SFSWAP: variants seen among roughly 807,000 people sequenced by gnomAD.
SFSWAP encodes splicing factor SWAP.
SFSWAP carries 17 observed loss-of-function variants against 100.7 expected under a neutral mutation model. The ratio of observed to expected loss-of-function variants is 0.17; its 90% CI spans 0.12 to 0.25. The LOEUF (loss-of-function observed/expected upper bound fraction) is 0.25, where lower values mean the gene tolerates loss of function less well. SFSWAP is among the 10% of genes least tolerant of loss of function. SFSWAP has a pLI of 1.00. For synonymous variants in SFSWAP, 504 were observed against 510.1 expected, an observed-to-expected ratio of 0.99 and a Z score of 0.16; for missense variants, 1,005 against 1,262.6, an observed-to-expected ratio of 0.80 and a Z score of 3.09.
intron 15 of SFSWAP, chr12:131,796,041 GC>G (rs1566064865): frequency 1.2e-4 from 1 of 8,220 alleles, no homozygotes; most frequent in Non-Finnish European, 2.9e-4. Context: ...GGGGAGGGGA[GC>G]GGAGAGGGGG....
intron 13 of SFSWAP, among the ~76,000 whole-genome samples, chr12:131,776,670 T>C (rs1275174937): frequency 3.9e-5 from 6 of 152,246 alleles, no homozygotes; most frequent in Non-Finnish European, 8.8e-5. Flanking sequence ...CGGGCTGGGC[T>C]GGAGCTCTCC....
intron 7 of SFSWAP, among the ~76,000 whole-genome samples, chr12:131,731,785 G>A (rs1385773375): frequency 1.3e-5 from 2 of 151,560 alleles, no homozygotes; most frequent in Non-Finnish European, 2.9e-5. Context: ...GGAGAGAGCT[G>A]TGCAAAAAAT....
chr12:131,738,856 A>C (rs907861510), intron 7 of SFSWAP, among the ~76,000 whole-genome samples: 4 of 105,864 alleles, frequency 3.8e-5, no homozygotes, highest in Admixed American at 1.0e-4. Context: ...AATTATTTCT[A>C]CTTTTCCAGT....
chr12:131,765,321 A>G (rs1243575831), intron 12 of SFSWAP, among the ~76,000 whole-genome samples: 2 of 152,232 alleles, frequency 1.3e-5, no homozygotes, highest in East Asian at 1.9e-4. Context: ...CTTTTCCTGT[A>G]TACACACATT....
intron 15 of SFSWAP, among the ~76,000 whole-genome samples, chr12:131,790,116 C>G (rs1008627041): frequency 6.6e-5 from 10 of 152,256 alleles, no homozygotes; most frequent in East Asian, 5.8e-4. Context: ...AAGACCCTGC[C>G]CCTTTGTTTA....
At chr12:131,763,497 G>A (rs996656294) in intron 11 of SFSWAP, among the ~76,000 whole-genome samples, 3 of 152,140 alleles carry the variant, frequency 2.0e-5, no homozygotes, top group African/African-American at 7.2e-5. Context: ...GTGGTGGGGC[G>A]GGAAAGATGA....
intron 4 of SFSWAP, among the ~76,000 whole-genome samples, chr12:131,723,082 C>T (rs1270794538): frequency 6.6e-6 from 1 of 152,114 alleles, no homozygotes; most frequent in African/African-American, 2.4e-5. Context: ...GCCAAGGGAC[C>T]GACTCCAGAG....
At chr12:131,775,039 C>T (rs554982341) in intron 13 of SFSWAP, among the ~76,000 whole-genome samples, 21 of 152,286 alleles carry the variant, frequency 1.4e-4, no homozygotes, top group African/African-American at 5.1e-4. Context: ...CCTCAGATGG[C>T]GTCTCGCGCC....
chr12:131,720,516 G>T (rs190881329), intron 4 of SFSWAP, among the ~76,000 whole-genome samples: 16 of 152,260 alleles, frequency 1.1e-4, no homozygotes, highest in Admixed American at 2.0e-4. Flanking sequence ...TTTTTTCTTG[G>T]ACATTTTCGT....
chr12:131,792,824 C>T (rs1350002883), intron 15 of SFSWAP, among the ~76,000 whole-genome samples: 4 of 152,248 alleles, frequency 2.6e-5, no homozygotes, highest in South Asian at 2.1e-4. Context: ...AGAGCTCCCA[C>T]GGCTTTTCTA....
chr12:131,792,242 G>A (rs1466114054), intron 15 of SFSWAP, among the ~76,000 whole-genome samples: 1 of 151,242 alleles, frequency 6.6e-6, no homozygotes, highest in African/African-American at 2.4e-5. Flanking sequence ...GCGCCCGTGT[G>A]TGTTCACAGA....
chr12:131,793,930 C>T (rs1312877911), intron 15 of SFSWAP, among the ~76,000 whole-genome samples: 2 of 151,990 alleles, frequency 1.3e-5, no homozygotes, highest in East Asian at 3.9e-4. Flanking sequence ...GGGCACGGGC[C>T]CAGCGGCTGC....
At chr12:131,796,843 C>G (rs1885713327) in intron 15 of SFSWAP, 2 of 222,880 alleles carry the variant, frequency 9.0e-6, no homozygotes, top group Admixed American at 5.7e-5. Context: ...TTTCCTGTAT[C>G]TTTTTGGAAA....
At position 131,756,522 on chromosome 12, in the gene SFSWAP, C is replaced by T. The variant is rs1566032127; in HGVS notation, c.1598C>T (p.Pro533Leu). The T allele has an allele frequency of 6.2e-7, 1 of 1,614,076 alleles. No homozygotes were observed. Among genetic ancestry groups the T allele is most frequent in the Non-Finnish European group, 8.5e-7 (1 of 1,180,006 alleles). ...EAPTDSAPEKPSDAGEDGAPE... is the reference protein window; with the variant it reads ...EAPTDSAPEKLSDAGEDGAPE... ...CCCACAGACTCTGCTCCCGAGAAGC[C>T]AAGTGATGCTGGGGAGGATGGCGCG... is the stretch of plus-strand genomic sequence containing the variant. Residue 533 changes from proline (P) to leucine (L), a missense_variant, in exon 11 of 18, where the codon CCA becomes CTA. By Grantham distance (98) the Pro-to-Leu change is moderately conservative. Transcript: ENST00000261674.
At chr12:131,784,803 C>G (rs887687088) in intron 14 of SFSWAP, 23 of 294,000 alleles carry the variant, frequency 7.8e-5, no homozygotes, top group Non-Finnish European at 1.2e-5. Context: ...CCCCAGATAA[C>G]TTGAAAATCT....
At position 131,725,329 on chromosome 12, in the gene SFSWAP, C is replaced by T. The variant is rs1878851889; in HGVS notation, c.607-76C>T. The T allele has an allele frequency of 8.2e-6, 10 of 1,222,784 alleles. No homozygotes were observed. The East Asian group carries it at 2.4e-4, about 29-fold the overall frequency. The allele number at this position is 1,222,784 out of a possible 1,614,324, so 75.7% of individuals were successfully genotyped here. A position where few individuals can be genotyped will look rare whatever the true frequency, so the allele number is the denominator to read the frequency against. On this transcript the variant is annotated intron_variant, in intron 4 of 17. Coordinates refer to ENST00000261674, the MANE Select transcript of SFSWAP (RefSeq NM_004592.4). This position sits in a 1 kb window ranked among gnomAD's most constrained non-coding sequence, Gnocchi z 4.3. ...ATTGACAGTAAAACCAGAGTCATTT[C>T]TATGTTTTAATGAAATCACGTGGCC... is the stretch of plus-strand genomic sequence containing the variant.
chr12:131,751,372 T>G (rs549807938), intron 7 of SFSWAP, among the ~76,000 whole-genome samples: 2 of 152,378 alleles, frequency 1.3e-5, no homozygotes, highest in East Asian at 3.9e-4. Flanking sequence ...TGAGACTGAC[T>G]GTCCAGAGCA....
intron 15 of SFSWAP, among the ~76,000 whole-genome samples, chr12:131,792,098 A>G (rs1194975651): frequency 0.011 from 1,064 of 96,844 alleles, 8 homozygotes; most frequent in African/African-American, 0.031. Context: ...GTGTGCGCCC[A>G]TGTGTGTTCA....
chr12:131,735,815 A>G (rs984446527), intron 7 of SFSWAP, among the ~76,000 whole-genome samples: 2 of 152,246 alleles, frequency 1.3e-5, no homozygotes, highest in Admixed American at 6.5e-5. Flanking sequence ...ATGGCTTTTT[A>G]AAGCAGCTGA....
Sources: gnomAD v4.1 joint callset for allele counts (sites outside exome capture counted in the v4.1 genomes callset) on GRCh38, gnomAD v4.1.1 for gene constraint, Gnocchi (gnomAD v3.1) non-coding constraint, MANE v1.5 for transcripts, NCBI Gene and HGNC (gene_info 2026-07-23, HGNC 2026-07-21) for gene names.